CHCHD6: variants seen among roughly 807,000 people sequenced by gnomAD.
The protein encoded by CHCHD6 is coiled-coil-helix-coiled-coil-helix domain containing 6, also known as MICOS complex subunit MIC25.
A neutral mutation model predicts 32.3 loss-of-function variants in CHCHD6; 28 were observed. That is an observed-to-expected ratio of 0.87 (90% confidence interval 0.64 to 1.19). The LOEUF is 1.19. CHCHD6 is among the 50% of genes most tolerant of loss of function. CHCHD6 has a pLI of 0.00. For missense variants in CHCHD6, 333 were observed against 307.0 expected, an observed-to-expected ratio of 1.08 and a Z score of -0.63; for synonymous variants, 122 against 117.5, an observed-to-expected ratio of 1.04 and a Z score of -0.25.
chr3:126,919,214 T>C (rs1214251617), intron 6 of CHCHD6, among the ~76,000 whole-genome samples: 2 of 152,170 alleles, frequency 1.3e-5, no homozygotes. Context: ...GTTAAGTTGG[T>C]TAGTCATGTT....
At chr3:126,849,592 A>G (rs950688827) in intron 4 of CHCHD6, among the ~76,000 whole-genome samples, 3 of 152,164 alleles carry the variant, frequency 2.0e-5, no homozygotes, top group Non-Finnish European at 2.9e-5. Context: ...CCTTTATATT[A>G]GAGTCAACAT....
intron 5 of CHCHD6, among the ~76,000 whole-genome samples, chr3:126,909,553 A>G (rs1439453474): frequency 6.6e-6 from 1 of 152,226 alleles, no homozygotes; most frequent in Non-Finnish European, 1.5e-5. Context: ...TTGGAAACCC[A>G]TGGAGATAAC....
intron 4 of CHCHD6, among the ~76,000 whole-genome samples, chr3:126,735,262 A>G (rs1257167002): frequency 1.3e-5 from 2 of 152,136 alleles, no homozygotes; most frequent in African/African-American, 2.4e-5. Context: ...ACAGCTTCCC[A>G]TTCTTACTCC....
At position 126,750,541 on chromosome 3, in the gene CHCHD6, G is replaced by C. The variant is rs547475670; in HGVS notation, c.411+17319G>C. Among the ~76,000 whole-genome samples the C allele has an allele frequency of 4.6e-5, 7 of 152,368 alleles. No individual in the cohort carries two copies. The South Asian group carries it at 1.4e-3, about 32-fold the overall frequency. ...TGGGAATTGCTTCAGGATAAGGACT[G>C]AGATGGAGGTCAAGCCAGCGTGGCC... On this transcript the variant is annotated intron_variant, in intron 4 of 7. Transcript: ENST00000290913.
At chr3:126,800,914 A>T (rs182742689) in intron 4 of CHCHD6, among the ~76,000 whole-genome samples, 31 of 152,346 alleles carry the variant, frequency 2.0e-4, no homozygotes, top group African/African-American at 7.2e-4. Flanking sequence ...TTCTGATTAG[A>T]TCACCCTACC....
At chr3:126,717,888 G>C (rs1935095144) in intron 1 of CHCHD6, among the ~76,000 whole-genome samples, 1 of 152,206 alleles carries the variant, frequency 6.6e-6, no homozygotes, top group African/African-American at 2.4e-5. Flanking sequence ...CTCCATCACG[G>C]AGCTTGTAGG....
chr3:126,844,626 G>A (rs760975742), intron 4 of CHCHD6, among the ~76,000 whole-genome samples: 1 of 151,948 alleles, frequency 6.6e-6, no homozygotes, highest in Admixed American at 6.6e-5. Flanking sequence ...TTAATAACAC[G>A]AAGTTAGGAC....
At chr3:126,824,294 G>A (rs1940283334) in intron 4 of CHCHD6, among the ~76,000 whole-genome samples, 1 of 151,766 alleles carries the variant, frequency 6.6e-6, no homozygotes, top group African/African-American at 2.4e-5. Flanking sequence ...GGGCACAGTG[G>A]CTCAGGCCTG....
intron 3 of CHCHD6, among the ~76,000 whole-genome samples, chr3:126,732,345 T>G (rs905263916): frequency 6.6e-6 from 1 of 152,202 alleles, no homozygotes; most frequent in Non-Finnish European, 1.5e-5. Flanking sequence ...ATTTCATATC[T>G]TGCTATTTTC....
intron 4 of CHCHD6, among the ~76,000 whole-genome samples, chr3:126,789,770 C>G (rs1475536009): frequency 6.6e-6 from 1 of 152,146 alleles, no homozygotes; most frequent in Non-Finnish European, 1.5e-5. Context: ...GGTCTTGACT[C>G]TTTATCCAAT....
chr3:126,815,257 A>G (rs1232314936), intron 4 of CHCHD6, among the ~76,000 whole-genome samples: 2 of 152,170 alleles, frequency 1.3e-5, no homozygotes, highest in Non-Finnish European at 2.9e-5. Context: ...CTGATCCTTC[A>G]GTATCAGCAT....
intron 5 of CHCHD6, among the ~76,000 whole-genome samples, chr3:126,912,942 C>A (rs1003994309): frequency 1.0e-4 from 13 of 127,888 alleles, no homozygotes; most frequent in African/African-American, 3.6e-4. Context: ...CCGTGGTGCA[C>A]AGGAAGTGCT....
chr3:126,795,264 G>T (rs916777177), intron 4 of CHCHD6, among the ~76,000 whole-genome samples: 9 of 152,128 alleles, frequency 5.9e-5, no homozygotes, highest in African/African-American at 9.7e-5. Context: ...CTAAAACAGG[G>T]TATTTATTCT....
At chr3:126,944,814 A>G (rs905439578) in intron 6 of CHCHD6, among the ~76,000 whole-genome samples, 2 of 152,218 alleles carry the variant, frequency 1.3e-5, no homozygotes, top group African/African-American at 4.8e-5. Context: ...CCAGTGGCCC[A>G]GGCGTGGGGG....
chr3:126,865,020 C>CACTACCTCT (rs1288671806), intron 5 of CHCHD6, among the ~76,000 whole-genome samples: 1 of 146,022 alleles, frequency 6.8e-6, no homozygotes, highest in Admixed American at 6.8e-5. Context: ...CCACCACCAC[C>CACTACCTCT]ACTACCTCTA....
intron 4 of CHCHD6, among the ~76,000 whole-genome samples, chr3:126,820,237 C>A (rs1940090929): frequency 6.6e-6 from 1 of 152,180 alleles, no homozygotes; most frequent in Non-Finnish European, 1.5e-5. Context: ...TGAGGTATAA[C>A]AGTAAACATG....
At position 126,707,932 on chromosome 3, in the gene CHCHD6, G is replaced by C. The variant is rs965527192; in HGVS notation, c.87+3533G>C. On this transcript the variant is annotated intron_variant, in intron 1 of 7. Transcript: ENST00000290913. ...CTGGGCCTGGCCTTGCTGAGACAATGAGGGACAAAGCCGAGGACCCTGTCA... is the reference window on the plus strand; with the variant it reads ...CTGGGCCTGGCCTTGCTGAGACAATCAGGGACAAAGCCGAGGACCCTGTCA... Among the ~76,000 whole-genome samples, 35 of 152,234 alleles carry C rather than the reference G, an allele frequency of 2.3e-4. 1 individual carries two copies. Among genetic ancestry groups the C allele is most frequent in the Admixed American group, 2.2e-3 (34 of 15,294 alleles).
At chr3:126,891,755 G>C (rs2107578365) in intron 5 of CHCHD6, among the ~76,000 whole-genome samples, 1 of 152,236 alleles carries the variant, frequency 6.6e-6, no homozygotes, top group Non-Finnish European at 1.5e-5. Context: ...CCTTACTGAT[G>C]GGCTTGAGGG....
chr3:126,918,364 C>G (rs1485169079), intron 6 of CHCHD6, among the ~76,000 whole-genome samples: 1 of 152,160 alleles, frequency 6.6e-6, no homozygotes, highest in Non-Finnish European at 1.5e-5. Context: ...ATTGAATACA[C>G]ATGTATAGAG....
Sources: allele counts gnomAD v4.1 joint callset (sites outside exome capture counted in the v4.1 genomes callset), GRCh38; gene constraint gnomAD v4.1.1; transcripts MANE v1.5; gene names NCBI Gene and HGNC (gene_info 2026-07-23, HGNC 2026-07-21).